The following LDLRAD3 variants were observed in gnomAD, a reference collection of about 807,000 sequenced individuals.
LDLRAD3 encodes the protein low-density lipoprotein receptor class A domain-containing protein 3.
A neutral mutation model predicts 29.4 loss-of-function variants in LDLRAD3; 20 were observed. The observed-to-expected ratio is 0.68, with a 90% CI of 0.48 to 0.99. LDLRAD3 has a LOEUF of 0.99. Among genes scored for constraint, LDLRAD3 ranks in the 50% least tolerant of loss-of-function variants. The pLI is 0.00. For missense variants in LDLRAD3, 420 were observed against 454.3 expected (o/e 0.92, Z 0.69); for synonymous variants, 157 against 192.7 (o/e 0.81, Z 1.53).
At position 36,193,144 on chromosome 11, in the gene LDLRAD3, CA is replaced by C. The variant is rs549797040; in HGVS notation, c.455-33940del. Among the ~76,000 whole-genome samples the C allele has an allele frequency of 2.0e-4, 30 of 152,286 alleles. 1 individual carries two copies. The highest frequency in any genetic ancestry group is 7.2e-4 in the Admixed American group (11 of 15,300). ...GAATCTCTCCGAGCCCCAGTTTCCT[CA>C]TCTGTAAAATGGGGGTAATGCTGCA... On this transcript the variant is annotated intron_variant, in intron 4 of 5. Transcript: ENST00000315571.
intron 4 of LDLRAD3, among the ~76,000 whole-genome samples, chr11:36,186,545 A>G (rs1854852284): frequency 6.6e-6 from 1 of 152,218 alleles, no homozygotes; most frequent in South Asian, 2.1e-4. Flanking sequence ...TAGGGTTACC[A>G]TGTTCATTGC....
intron 1 of LDLRAD3, among the ~76,000 whole-genome samples, chr11:36,023,800 G>C (rs1040424249): frequency 6.6e-6 from 1 of 152,200 alleles, no homozygotes; most frequent in Non-Finnish European, 1.5e-5. Context: ...GCCCAGTGGT[G>C]AGTCCCATAT....
At chr11:35,997,139 C>CT (rs1427680227) in intron 1 of LDLRAD3, 50 of 269,146 alleles carry the variant, frequency 1.9e-4, no homozygotes, top group East Asian at 3.7e-4. Context: ...ACTTTTGTTT[C>CT]TTTTTTTTAG....
intron 1 of LDLRAD3, among the ~76,000 whole-genome samples, chr11:36,011,953 T>G (rs1408320881): frequency 6.6e-6 from 1 of 152,226 alleles, no homozygotes; most frequent in African/African-American, 2.4e-5. Flanking sequence ...ATAGTCTAAC[T>G]GCATGACTGT....
At chr11:36,120,325 A>G (rs1231282983) in intron 4 of LDLRAD3, among the ~76,000 whole-genome samples, 1 of 152,168 alleles carries the variant, frequency 6.6e-6, no homozygotes, top group Non-Finnish European at 1.5e-5. Context: ...CGTCTCCTGC[A>G]GAGAACCAGT....
At chr11:36,192,447 T>A (rs1350980653) in intron 4 of LDLRAD3, among the ~76,000 whole-genome samples, 4 of 152,234 alleles carry the variant, frequency 2.6e-5, no homozygotes, top group African/African-American at 9.6e-5. Context: ...ATGAGTGGTT[T>A]TTTGAAAAAC....
chr11:36,148,451 C>T (rs957281473), intron 4 of LDLRAD3, among the ~76,000 whole-genome samples: 4 of 152,146 alleles, frequency 2.6e-5, no homozygotes, highest in African/African-American at 9.7e-5. Context: ...TATTCCCTAA[C>T]GAGGACTTTG....
chr11:35,944,307 C>A lies in LDLRAD3; in HGVS notation c.46+163C>A, dbSNP rs891008889. 6.6e-6 allele frequency among the ~76,000 whole-genome samples: 1 copy of A among 151,276 alleles called. No homozygotes were observed. Among genetic ancestry groups the A allele is most frequent in the Non-Finnish European group, 1.5e-5 (1 of 67,726 alleles). On this transcript the variant is annotated intron_variant, in intron 1 of 5. Coordinates refer to ENST00000315571, the MANE Select transcript of LDLRAD3 (RefSeq NM_174902.4). The surrounding 1 kb of genome is among the most constrained non-coding windows in gnomAD (Gnocchi z 4.9). ...GGCGCCGGGCTGGCCCGGACCCTGC[C>A]GAGGGGCCGCCGCGGGGTGCGAGCC...
chr11:36,041,279 C>G (rs1432640048), intron 2 of LDLRAD3, among the ~76,000 whole-genome samples: 1 of 152,154 alleles, frequency 6.6e-6, no homozygotes, highest in Non-Finnish European at 1.5e-5. Flanking sequence ...ATTGCGGAAG[C>G]CTTATTAGTA....
chr11:36,006,096 G>A (rs1275342444), intron 1 of LDLRAD3, among the ~76,000 whole-genome samples: 1 of 152,106 alleles, frequency 6.6e-6, no homozygotes, highest in East Asian at 1.9e-4. Context: ...ATGCCCAGTC[G>A]TTCCTCATCC....
chr11:36,002,575 A>C (rs944704660), intron 1 of LDLRAD3, among the ~76,000 whole-genome samples: 1 of 152,146 alleles, frequency 6.6e-6, no homozygotes, highest in Admixed American at 6.5e-5. Context: ...GGCTTATCTT[A>C]CCAGCCACCC....
intron 4 of LDLRAD3, among the ~76,000 whole-genome samples, chr11:36,175,854 G>T (rs964567777): frequency 3.9e-5 from 6 of 152,154 alleles, no homozygotes; most frequent in African/African-American, 1.4e-4. Context: ...TAAGTCCATT[G>T]TTACTTTGCT....
chr11:36,141,233 C>T (rs1045651889), intron 4 of LDLRAD3, among the ~76,000 whole-genome samples: 5 of 152,168 alleles, frequency 3.3e-5, no homozygotes, highest in African/African-American at 9.7e-5. Context: ...AATCACCTAT[C>T]GAGTTTTTCT....
At chr11:36,190,386 G>A (rs950107457) in intron 4 of LDLRAD3, among the ~76,000 whole-genome samples, 1 of 152,214 alleles carries the variant, frequency 6.6e-6, no homozygotes, top group African/African-American at 2.4e-5. Flanking sequence ...TGTAGTCCTA[G>A]CTACTCAGTT....
At chr11:36,126,381 A>G (rs925437803) in intron 4 of LDLRAD3, among the ~76,000 whole-genome samples, 14 of 152,062 alleles carry the variant, frequency 9.2e-5, no homozygotes, top group African/African-American at 3.4e-4. Context: ...GGTTTCTTTT[A>G]TCCCACTGTA....
intron 2 of LDLRAD3, 103 bp downstream of exon 2, chr11:36,036,352 A>G: frequency 1.4e-6 from 2 of 1,385,656 alleles, no homozygotes; most frequent in Non-Finnish European, 2.0e-6. Context: ...GCTTGCTGCA[A>G]GCTGGTGGTT....
rs147801462 is a variant in LDLRAD3 at position 36,202,733 on chromosome 11, C to T, written c.455-24352C>T. ...GCTGTAGATGGAATTCATGCATCTC[C>T]CTTGTTTTTCCAAGGTCACCTTCAT... On this transcript the variant is annotated intron_variant, in intron 4 of 5. Transcript: ENST00000315571. Among the ~76,000 whole-genome samples, 54 of 152,244 alleles carry T rather than the reference C, an allele frequency of 3.5e-4. No homozygotes were observed. In the East Asian group the frequency reaches 9.7e-3, roughly 27 times the overall value.
chr11:35,960,884 G>A (rs1407658097), intron 1 of LDLRAD3, among the ~76,000 whole-genome samples: 2 of 152,216 alleles, frequency 1.3e-5, no homozygotes, highest in African/African-American at 4.8e-5. Context: ...GTGAGCCACC[G>A]TGCCCGGCCT....
chr11:36,229,637 AG>A lies in LDLRAD3; in HGVS notation c.*241del. The A allele has an allele frequency of 2.1e-6, 1 of 476,984 alleles. No homozygotes were observed. Among genetic ancestry groups the A allele is most frequent in the South Asian group, 4.6e-5 (1 of 21,520 alleles). The allele number at this position is 476,984 out of a possible 1,614,324, so 29.5% of individuals were successfully genotyped here. On this transcript the variant is annotated 3_prime_UTR_variant, in exon 6 of 6. Coordinates refer to ENST00000315571, the MANE Select transcript of LDLRAD3 (RefSeq NM_174902.4). ...CAGGTCACTCTTCCCTTGGGACCCG[AG>A]ATCACACCCTCATTTTTCACATTAT...
Sources: allele counts gnomAD v4.1 joint callset (sites outside exome capture counted in the v4.1 genomes callset), GRCh38; gene constraint gnomAD v4.1.1; non-coding constraint Gnocchi (gnomAD v3.1); transcripts MANE v1.5; gene names NCBI Gene and HGNC (gene_info 2026-07-23, HGNC 2026-07-21).